The following COMMD10 variants were observed in gnomAD, a reference collection of about 807,000 sequenced individuals.
COMMD10 encodes the protein COMM domain-containing protein 10.
A neutral mutation model predicts 28.9 loss-of-function variants in COMMD10; 33 were observed. That is an observed-to-expected ratio of 1.14 (90% CI 0.87 to 1.53). The LOEUF is 1.53. Among genes scored for constraint, COMMD10 ranks in the 40% most tolerant of loss-of-function variants. The probability of loss-of-function intolerance (pLI) is 0.00; values close to 1 mark genes in which losing one functional copy is unlikely to be tolerated. For synonymous variants in COMMD10, 110 were observed against 81.7 expected, an observed-to-expected ratio of 1.35 and a Z score of -1.87; for missense variants, 310 against 233.4, an observed-to-expected ratio of 1.33 and a Z score of -2.14.
At chr5:116,140,381 G>T (rs996317135) in intron 5 of COMMD10, among the ~76,000 whole-genome samples, 2 of 151,680 alleles carry the variant, frequency 1.3e-5, no homozygotes, top group Non-Finnish European at 2.9e-5. Context: ...TATGAATAAT[G>T]CTGCAACAAA....
chr5:116,227,146 C>G (rs1008954084), intron 5 of COMMD10, among the ~76,000 whole-genome samples: 3 of 151,896 alleles, frequency 2.0e-5, no homozygotes, highest in African/African-American at 7.2e-5. Flanking sequence ...TTAAGTTGAT[C>G]GCTTAAAAAG....
Position 116,237,816 on chromosome 5 carries a change from T to A in COMMD10, c.511-53701T>A, listed in dbSNP as rs147862142. On this transcript the variant is annotated intron_variant, in intron 5 of 6. Transcript: ENST00000274458. ...TGCAAGTTAGCAGTGGTGTTAAATC[T>A]TAAATCTCTGATCTGTACTAATATC... Among the ~76,000 whole-genome samples the A allele has an allele frequency of 6.6e-5, 10 of 152,324 alleles. No individual in the cohort carries two copies. The East Asian group carries it at 1.9e-3, about 29-fold the overall frequency.
intron 4 of COMMD10, among the ~76,000 whole-genome samples, chr5:116,114,827 G>A (rs189606304): frequency 3.9e-5 from 6 of 152,014 alleles, no homozygotes; most frequent in African/African-American, 1.5e-4. Flanking sequence ...TAGTTTAGTC[G>A]GACTGGGTAG....
intron 5 of COMMD10, among the ~76,000 whole-genome samples, chr5:116,165,064 G>T (rs1753045487): frequency 6.6e-6 from 1 of 152,188 alleles, no homozygotes; most frequent in African/African-American, 2.4e-5. Flanking sequence ...TAAGTAAAGT[G>T]TATATCCCTC....
At chr5:116,254,821 G>A (rs1005489758) in intron 5 of COMMD10, among the ~76,000 whole-genome samples, 1 of 151,324 alleles carries the variant, frequency 6.6e-6, no homozygotes, top group South Asian at 2.1e-4. Context: ...GGTCCGCTTG[G>A]TGCAGAGCTG....
chr5:116,231,664 G>T (rs1749532445), intron 5 of COMMD10, among the ~76,000 whole-genome samples: 1 of 152,054 alleles, frequency 6.6e-6, no homozygotes, highest in South Asian at 2.1e-4. Flanking sequence ...TAAAGGGAAA[G>T]ATAAAACTAT....
At chr5:116,188,232 C>A (rs1206707551) in intron 5 of COMMD10, among the ~76,000 whole-genome samples, 5 of 152,050 alleles carry the variant, frequency 3.3e-5, no homozygotes, top group Non-Finnish European at 7.4e-5. Flanking sequence ...GCTTTGATTA[C>A]CTCTTAGGTT....
At position 116,214,543 on chromosome 5, in the gene COMMD10, T is replaced by C. The variant is rs544744255; in HGVS notation, c.511-76974T>C. ...GTAAGCATTAAATGGTATTGCCATT[T>C]TGATGAGGAAACTAAAACATGTAGA... is the stretch of plus-strand genomic sequence containing the variant. On this transcript the variant is annotated intron_variant, in intron 5 of 6. Coordinates refer to ENST00000274458, the MANE Select transcript of COMMD10 (RefSeq NM_016144.4). Among the ~76,000 whole-genome samples, 731 of 152,268 alleles carry C rather than the reference T, an allele frequency of 4.8e-3. 7 individuals are homozygous for C. The highest frequency in any genetic ancestry group is 0.015 in the African/African-American group (620 of 41,556).
chr5:116,096,592 A>G (rs1301427092), intron 4 of COMMD10, among the ~76,000 whole-genome samples: 1 of 151,922 alleles, frequency 6.6e-6, no homozygotes, highest in Non-Finnish European at 1.5e-5. Flanking sequence ...TTCTTGCTTT[A>G]TTTTACTGAC....
At chr5:116,176,919 A>C (rs527914313) in intron 5 of COMMD10, among the ~76,000 whole-genome samples, 1 of 152,296 alleles carries the variant, frequency 6.6e-6, no homozygotes, top group South Asian at 2.1e-4. Flanking sequence ...AGAGTATTTA[A>C]GGAAAAGAAC....
At chr5:116,238,337 T>C (rs1749732227) in intron 5 of COMMD10, among the ~76,000 whole-genome samples, 1 of 152,200 alleles carries the variant, frequency 6.6e-6, no homozygotes, top group Admixed American at 6.5e-5. Flanking sequence ...ATTAATGGGT[T>C]AAAAGGCAAG....
chr5:116,133,800 A>T (rs1036430870), intron 4 of COMMD10, among the ~76,000 whole-genome samples: 1 of 152,174 alleles, frequency 6.6e-6, no homozygotes, highest in Non-Finnish European at 1.5e-5. Flanking sequence ...AATATATTTC[A>T]TTGCTTGGTA....
At chr5:116,176,107 C>G (rs1448733797) in intron 5 of COMMD10, among the ~76,000 whole-genome samples, 1 of 152,064 alleles carries the variant, frequency 6.6e-6, no homozygotes, top group East Asian at 1.9e-4. Context: ...GCTTTTTGGA[C>G]TTATTCACTG....
intron 4 of COMMD10, among the ~76,000 whole-genome samples, chr5:116,113,821 T>C (rs1038245868): frequency 6.6e-6 from 1 of 152,204 alleles, no homozygotes; most frequent in Non-Finnish European, 1.5e-5. Flanking sequence ...TGGAGAATTA[T>C]TGTGTTCCTT....
intron 4 of COMMD10, among the ~76,000 whole-genome samples, chr5:116,093,472 G>T (rs1211117893): frequency 1.3e-5 from 2 of 152,092 alleles, no homozygotes; most frequent in Non-Finnish European, 2.9e-5. Context: ...CCACATTCTT[G>T]CTGCAGACTC....
chr5:116,230,425 T>G (rs1024948921), intron 5 of COMMD10, among the ~76,000 whole-genome samples: 1 of 152,084 alleles, frequency 6.6e-6, no homozygotes, highest in Admixed American at 6.6e-5. Flanking sequence ...CATTTTTCTA[T>G]GCACTAGACT....
At chr5:116,173,748 C>A in intron 5 of COMMD10, among the ~76,000 whole-genome samples, 1 of 152,010 alleles carries the variant, frequency 6.6e-6, no homozygotes, top group East Asian at 1.9e-4. Flanking sequence ...TAGAATTGCA[C>A]ATACTAACTG....
At chr5:116,245,568 G>A (rs142740150) in intron 5 of COMMD10, among the ~76,000 whole-genome samples, 2 of 152,174 alleles carry the variant, frequency 1.3e-5, no homozygotes, top group Non-Finnish European at 2.9e-5. Context: ...TATGCTTGGT[G>A]GACATTGATA....
At chr5:116,132,974 C>G (rs964469865) in intron 4 of COMMD10, among the ~76,000 whole-genome samples, 3 of 152,260 alleles carry the variant, frequency 2.0e-5, no homozygotes, top group African/African-American at 7.2e-5. Context: ...CACATCCTCT[C>G]TCAAATAGAT....
Sources: allele counts gnomAD v4.1 joint callset (sites outside exome capture counted in the v4.1 genomes callset), GRCh38; gene constraint gnomAD v4.1.1; transcripts MANE v1.5; gene names NCBI Gene and HGNC (gene_info 2026-07-23, HGNC 2026-07-21).